Variants in NSMCE3 observed in about 807,000 individuals in gnomAD.
NSMCE3 encodes non-structural maintenance of chromosomes element 3 homolog.
For missense variants in NSMCE3, 452 were observed against 399.5 expected (o/e 1.13, Z -1.12); for synonymous variants, 214 against 172.2 (o/e 1.24, Z -1.90).
Position 29,266,145 on chromosome 15 carries a change from A to G in NSMCE3, c.*2646T>C, listed in dbSNP as rs1339292682. On this transcript the variant is annotated 3_prime_UTR_variant, in exon 1 of 1. Coordinates refer to ENST00000332303, the MANE Select transcript of NSMCE3 (RefSeq NM_138704.4). ...AAATCAATAGAAATAGGTCTAAGAC[A>G]TGAAATCTGACACTCAAAAAGGAGT... 6.6e-6 allele frequency: 1 copy of G among 152,234 alleles called. No individual in the cohort carries two copies. Among genetic ancestry groups the G allele is most frequent in the Non-Finnish European group, 1.5e-5 (1 of 68,034 alleles). The allele number at this position is 152,234 out of a possible 1,614,324, so 9.4% of individuals were successfully genotyped here. A position where few individuals can be genotyped will look rare whatever the true frequency, so the allele number is the denominator to read the frequency against.
In NSMCE3 at chr15:29,265,048, A is replaced by G. The variant is rs2043451640; in HGVS notation, c.*3743T>C. On this transcript the variant is annotated 3_prime_UTR_variant, in exon 1 of 1. Coordinates refer to ENST00000332303, the MANE Select transcript of NSMCE3 (RefSeq NM_138704.4). ...GCAGGTAAATAAAGAGCATATATACATCCAAAGTCATTCATAGTTTTTTTT... is the reference window on the plus strand; with the variant it reads ...GCAGGTAAATAAAGAGCATATATACGTCCAAAGTCATTCATAGTTTTTTTT... 1 of 152,190 alleles carries G rather than the reference A, an allele frequency of 6.6e-6. No individual in the cohort carries two copies. The highest frequency in any genetic ancestry group is 6.5e-5 in the Admixed American group (1 of 15,282). 9.4% of individuals were successfully genotyped at this position (152,190 alleles called of 1,614,324 possible).
Position 29,268,996 on chromosome 15 carries a change from C to A in NSMCE3, c.710G>T (p.Arg237Leu), listed in dbSNP as rs1228563953. The A allele has an allele frequency of 1.1e-5, 17 of 1,613,988 alleles. No individual in the cohort carries two copies. Among genetic ancestry groups the A allele is most frequent in the Admixed American group, 1.0e-4 (6 of 60,000 alleles). ...FVRQRYLEYR[R>L]IPHTDPVDYE... The stretch of plus-strand genomic sequence containing the variant: ...GTCGACGGGGTCGGTGTGGGGTATC[C>A]GCCGGTATTCCAGGTAACGCTGTCG... Residue 237 changes from arginine (R) to leucine (L), a missense_variant, in exon 1 of 1, where the codon CGG becomes CTG. Coordinates refer to ENST00000332303, the MANE Select transcript of NSMCE3 (RefSeq NM_138704.4).
At position 29,266,106 on chromosome 15, in the gene NSMCE3, T is replaced by C. The variant is rs1353672214; in HGVS notation, c.*2685A>G. On this transcript the variant is annotated 3_prime_UTR_variant, in exon 1 of 1. Transcript: ENST00000332303. Reference sequence around the variant, plus strand: ...ACCATGGATTAACATGTAGAACATATAAAGATGTCTTACAAATCAATAGAA... The same window carrying C: ...ACCATGGATTAACATGTAGAACATACAAAGATGTCTTACAAATCAATAGAA... 1 of 152,142 alleles carries C rather than the reference T, an allele frequency of 6.6e-6. No individual in the cohort carries two copies. Among genetic ancestry groups the C allele is most frequent in the Non-Finnish European group, 1.5e-5 (1 of 68,030 alleles). The allele number at this position is 152,142 out of a possible 1,614,324, so 9.4% of individuals were successfully genotyped here.
In NSMCE3 at chr15:29,267,615, G is replaced by A. The variant is rs933546475; in HGVS notation, c.*1176C>T. ...TGTCCTGCTCTTATGTTCTATGTGG[G>A]GCACACTCACCATACACGTTATATT... On this transcript the variant is annotated 3_prime_UTR_variant, in exon 1 of 1. Coordinates refer to ENST00000332303, the MANE Select transcript of NSMCE3 (RefSeq NM_138704.4). 2 of 151,898 alleles carry A rather than the reference G, an allele frequency of 1.3e-5. No individual in the cohort carries two copies. Among genetic ancestry groups the A allele is most frequent in the African/African-American group, 4.8e-5 (2 of 41,280 alleles). The allele number at this position is 151,898 out of a possible 1,614,324, so 9.4% of individuals were successfully genotyped here. A position where few individuals can be genotyped will look rare whatever the true frequency, so the allele number is the denominator to read the frequency against.
chr15:29,269,648 C>T lies in NSMCE3; in HGVS notation c.58G>A (p.Asp20Asn). 6.4e-7 allele frequency: 1 copy of T among 1,573,190 alleles called. No individual in the cohort carries two copies. The highest frequency in any genetic ancestry group is 8.6e-7 in the Non-Finnish European group (1 of 1,164,180). Reference protein sequence around the residue: ...RSGGQAERDRDWSHSGNPGAS... With the variant: ...RSGGQAERDRNWSHSGNPGAS... ...CCGGGGTTTCCGCTATGGCTCCAGT[C>T]TCTGTCCCTCTCGGCCTGGCCGCCA... is the stretch of plus-strand genomic sequence containing the variant. The change falls in exon 1 of 1, where the codon GAC becomes AAC. Residue 20 changes from aspartate to asparagine, a missense_variant. Asp to Asn is a conservative substitution (Grantham distance 23, BLOSUM62 1). Transcript: ENST00000332303.
chr15:29,268,707 G>A lies in NSMCE3; in HGVS notation c.*84C>T. The stretch of plus-strand genomic sequence containing the variant: ...AGCGTTTACAGCAATATGCTCCCTG[G>A]GTTCGTTCTCCCTTCCCCCAATCCT... On this transcript the variant is annotated 3_prime_UTR_variant, in exon 1 of 1. Transcript: ENST00000332303. The A allele has an allele frequency of 7.2e-7, 1 of 1,383,176 alleles. No individual in the cohort carries two copies. Among genetic ancestry groups the A allele is most frequent in the Non-Finnish European group, 9.8e-7 (1 of 1,016,222 alleles). The allele number at this position is 1,383,176 out of a possible 1,614,324, so 85.7% of individuals were successfully genotyped here.
chr15:29,269,803 G>C lies in NSMCE3; in HGVS notation c.-98C>G, dbSNP rs1182904871. ...CGCTAACGCCGGTGCCTGGAGGCGC[G>C]CGCAGTGTCGGCTGAGACTGCGTGC... On this transcript the variant is annotated 5_prime_UTR_variant, in exon 1 of 1. Coordinates refer to ENST00000332303, the MANE Select transcript of NSMCE3 (RefSeq NM_138704.4). The C allele has an allele frequency of 6.8e-6, 8 of 1,175,636 alleles. No homozygotes were observed. Among genetic ancestry groups the C allele is most frequent in the Non-Finnish European group, 6.8e-6 (6 of 887,556 alleles). 72.8% of individuals were successfully genotyped at this position (1,175,636 alleles called of 1,614,324 possible). A position where few individuals can be genotyped will look rare whatever the true frequency, so the allele number is the denominator to read the frequency against.
At position 29,266,066 on chromosome 15, in the gene NSMCE3, A is replaced by C. The variant is rs1366894030; in HGVS notation, c.*2725T>G. On this transcript the variant is annotated 3_prime_UTR_variant, in exon 1 of 1. Transcript: ENST00000332303. ...AAATGTGGGAGAAGGTATTTGCACT[A>C]GATAGATAGAGCAGACCATGGATTA... 1 of 152,224 alleles carries C rather than the reference A, an allele frequency of 6.6e-6. No individual in the cohort carries two copies. The highest frequency in any genetic ancestry group is 2.4e-5 in the African/African-American group (1 of 41,454). 9.4% of individuals were successfully genotyped at this position (152,224 alleles called of 1,614,324 possible).
Position 29,268,747 on chromosome 15 carries a change from T to G in NSMCE3, c.*44A>C, listed in dbSNP as rs895686742. ...CCCCCAATCCTCTAAACTGTGCCTT[T>G]GGGTCTCAGACCCTTGTCCCGGGGG... On this transcript the variant is annotated 3_prime_UTR_variant, in exon 1 of 1. Coordinates refer to ENST00000332303, the MANE Select transcript of NSMCE3 (RefSeq NM_138704.4). The G allele has an allele frequency of 4.5e-5, 69 of 1,548,446 alleles. No individual in the cohort carries two copies. The highest frequency in any genetic ancestry group is 5.8e-5 in the Non-Finnish European group (67 of 1,149,382).
In NSMCE3 at chr15:29,267,320, A is replaced by G. The variant is rs979053088; in HGVS notation, c.*1471T>C. The G allele has an allele frequency of 6.6e-6, 1 of 152,238 alleles. No individual in the cohort carries two copies. The highest frequency in any genetic ancestry group is 2.4e-5 in the African/African-American group (1 of 41,456). The allele number at this position is 152,238 out of a possible 1,614,324, so 9.4% of individuals were successfully genotyped here. A position where few individuals can be genotyped will look rare whatever the true frequency, so the allele number is the denominator to read the frequency against. ...TTGCCCACTGAATAAAACGTGTTGA[A>G]TCTCTGCATTAAAAACAGCATCTGC... On this transcript the variant is annotated 3_prime_UTR_variant, in exon 1 of 1. Transcript: ENST00000332303.
Position 29,267,595 on chromosome 15 carries a change from T to C in NSMCE3, c.*1196A>G, listed in dbSNP as rs1222144730. 2 of 152,154 alleles carry C rather than the reference T, an allele frequency of 1.3e-5. No homozygotes were observed. The highest frequency in any genetic ancestry group is 2.9e-5 in the Non-Finnish European group (2 of 68,024). The allele number at this position is 152,154 out of a possible 1,614,324, so 9.4% of individuals were successfully genotyped here. The stretch of plus-strand genomic sequence containing the variant: ...TCCCTAGGAGGTAGATCTTATGTCC[T>C]GCTCTTATGTTCTATGTGGGGCACA... On this transcript the variant is annotated 3_prime_UTR_variant, in exon 1 of 1. Coordinates refer to ENST00000332303, the MANE Select transcript of NSMCE3 (RefSeq NM_138704.4).
rs2043471195 is a variant in NSMCE3, at chr15:29,266,058, T to C, written c.*2733A>G. 6.6e-6 allele frequency: 1 copy of C among 152,134 alleles called. No individual in the cohort carries two copies. The highest frequency in any genetic ancestry group is 1.5e-5 in the Non-Finnish European group (1 of 68,040). 9.4% of individuals were successfully genotyped at this position (152,134 alleles called of 1,614,324 possible). ...AGAAGTGAAAATGTGGGAGAAGGTA[T>C]TTGCACTAGATAGATAGAGCAGACC... is the stretch of plus-strand genomic sequence containing the variant. On this transcript the variant is annotated 3_prime_UTR_variant, in exon 1 of 1. Coordinates refer to ENST00000332303, the MANE Select transcript of NSMCE3 (RefSeq NM_138704.4).
In NSMCE3 at chr15:29,269,733, C is replaced by T. The variant is rs754199405; in HGVS notation, c.-28G>A. ...CTCCGGCGGCAGGTGCCGGCGCACA[C>T]TCCGGTAGGCAAGCAGCCGCGGCGG... On this transcript the variant is annotated 5_prime_UTR_variant, in exon 1 of 1. The change creates a new upstream start codon in the 5' untranslated region. Coordinates refer to ENST00000332303, the MANE Select transcript of NSMCE3 (RefSeq NM_138704.4). 2.0e-6 allele frequency: 3 copies of T among 1,463,982 alleles called. No individual in the cohort carries two copies. Among genetic ancestry groups the T allele is most frequent in the Admixed American group, 6.0e-5 (2 of 33,304 alleles). The allele number at this position is 1,463,982 out of a possible 1,614,324, so 90.7% of individuals were successfully genotyped here. A position where few individuals can be genotyped will look rare whatever the true frequency, so the allele number is the denominator to read the frequency against.
rs1172170880 is a variant in NSMCE3, at chr15:29,267,238, T to C, written c.*1553A>G. The C allele has an allele frequency of 1.3e-5, 2 of 152,088 alleles. No individual in the cohort carries two copies. Among genetic ancestry groups the C allele is most frequent in the Non-Finnish European group, 2.9e-5 (2 of 68,022 alleles). The allele number at this position is 152,088 out of a possible 1,614,324, so 9.4% of individuals were successfully genotyped here. On this transcript the variant is annotated 3_prime_UTR_variant, in exon 1 of 1. Coordinates refer to ENST00000332303, the MANE Select transcript of NSMCE3 (RefSeq NM_138704.4). ...TTCACTTTTTTCCCCGAGTTAAAAA[T>C]ATTTGCCTTATTTCAAGGTTAATTT...
Position 29,268,349 on chromosome 15 carries a change from G to A in NSMCE3, c.*442C>T, listed in dbSNP as rs888981617. 7.0e-5 allele frequency: 11 copies of A among 156,754 alleles called. No homozygotes were observed. The highest frequency in any genetic ancestry group is 1.4e-4 in the African/African-American group (6 of 41,568). The allele number at this position is 156,754 out of a possible 1,614,324, so 9.7% of individuals were successfully genotyped here. The stretch of plus-strand genomic sequence containing the variant: ...TACGAAATATAGAAAAATAAAATAG[G>A]TTAACATAATAAGGATATAGGCAAT... On this transcript the variant is annotated 3_prime_UTR_variant, in exon 1 of 1. Transcript: ENST00000332303.
chr15:29,266,952 G>A lies in NSMCE3; in HGVS notation c.*1839C>T, dbSNP rs916326133. ...GCTGGGTAATAATTTTTATTATACA[G>A]GTGAGAATGCGAGTATCAGAGGGCA... On this transcript the variant is annotated 3_prime_UTR_variant, in exon 1 of 1. Transcript: ENST00000332303. The A allele has an allele frequency of 1.3e-5, 2 of 152,210 alleles. No individual in the cohort carries two copies. Among genetic ancestry groups the A allele is most frequent in the Admixed American group, 6.5e-5 (1 of 15,280 alleles). 9.4% of individuals were successfully genotyped at this position (152,210 alleles called of 1,614,324 possible).
chr15:29,267,543 A>AC lies in NSMCE3; in HGVS notation c.*1247dup, dbSNP rs1020873271. 1 of 152,036 alleles carries AC rather than the reference A, an allele frequency of 6.6e-6. No individual in the cohort carries two copies. Among genetic ancestry groups the AC allele is most frequent in the Non-Finnish European group, 1.5e-5 (1 of 68,008 alleles). 9.4% of individuals were successfully genotyped at this position (152,036 alleles called of 1,614,324 possible). A position where few individuals can be genotyped will look rare whatever the true frequency, so the allele number is the denominator to read the frequency against. ...ATTCAGTTTGCCAGACAGCCCCAAG[A>AC]CCCATACCCTTTTCCCTATACCTAA... is the stretch of plus-strand genomic sequence containing the variant. On this transcript the variant is annotated 3_prime_UTR_variant, in exon 1 of 1. Coordinates refer to ENST00000332303, the MANE Select transcript of NSMCE3 (RefSeq NM_138704.4).
rs755134413 is a variant in NSMCE3, at chr15:29,268,769, G to T, written c.*22C>A. ...CTTTGGGTCTCAGACCCTTGTCCCG[G>T]GGGTCCCTCTGAATCCACCTTTCAA... On this transcript the variant is annotated 3_prime_UTR_variant, in exon 1 of 1. Coordinates refer to ENST00000332303, the MANE Select transcript of NSMCE3 (RefSeq NM_138704.4). 14 of 1,577,616 alleles carry T rather than the reference G, an allele frequency of 8.9e-6. No individual in the cohort carries two copies. The highest frequency in any genetic ancestry group is 1.2e-5 in the Non-Finnish European group (14 of 1,162,438).
rs1273734877 is a variant in NSMCE3 at position 29,265,105 on chromosome 15, G to C, written c.*3686C>G. On this transcript the variant is annotated 3_prime_UTR_variant, in exon 1 of 1. Transcript: ENST00000332303. ...ATCTCTAAGCAAGCTAGGACTGAAG[G>C]GGTAACTAAATAGCCCAATAAAAGG... is the stretch of plus-strand genomic sequence containing the variant. The C allele has an allele frequency of 6.6e-6, 1 of 151,800 alleles. No homozygotes were observed. Among genetic ancestry groups the C allele is most frequent in the Non-Finnish European group, 1.5e-5 (1 of 67,984 alleles). 9.4% of individuals were successfully genotyped at this position (151,800 alleles called of 1,614,324 possible).
Sources: gnomAD v4.1 joint callset for allele counts on GRCh38, gnomAD v4.1.1 for gene constraint, MANE v1.5 for transcripts, NCBI Gene and HGNC (gene_info 2026-07-23, HGNC 2026-07-21) for gene names.